CHD6: variants seen among roughly 807,000 people sequenced by gnomAD.
CHD6 encodes the protein ATP-dependent chromatin remodeler CHD6.
A neutral mutation model predicts 276.9 loss-of-function variants in CHD6; 50 were observed. That is an observed-to-expected ratio of 0.18 (90% CI 0.14 to 0.23). The LOEUF is 0.23. Ranked by LOEUF, CHD6 falls within the 10% of genes least tolerant of loss-of-function variation. The pLI, the probability that CHD6 is intolerant of heterozygous loss-of-function variation, is 1.00. For synonymous variants in CHD6, 1,173 were observed against 1,229.3 expected (o/e 0.95, Z 0.96); for missense variants, 2,564 against 3,365.8 (o/e 0.76, Z 5.89).
At chr20:41,560,437 C>T (rs2045289830) in intron 1 of CHD6, among the ~76,000 whole-genome samples, 1 of 152,194 alleles carries the variant, frequency 6.6e-6, no homozygotes, top group Admixed American at 6.5e-5. Flanking sequence ...GTGTCATGTT[C>T]TCCGGGATGT....
intron 2 of CHD6, among the ~76,000 whole-genome samples, chr20:41,546,419 T>C (rs994595762): frequency 6.6e-6 from 1 of 152,214 alleles, no homozygotes; most frequent in African/African-American, 2.4e-5. Flanking sequence ...ATTGCATTCA[T>C]TGCTTATTAA....
chr20:41,426,019 T>C, intron 28 of CHD6, 74 bp downstream of exon 28: 1 of 1,092,550 alleles, frequency 9.2e-7, no homozygotes, highest in Non-Finnish European at 1.4e-6. Flanking sequence ...TACTTATTAA[T>C]TACATATAAA....
At chr20:41,438,923 C>A (rs904940236) in intron 26 of CHD6, among the ~76,000 whole-genome samples, 3 of 152,234 alleles carry the variant, frequency 2.0e-5, no homozygotes, top group Admixed American at 6.5e-5. Flanking sequence ...GGAAAATGCA[C>A]TGCACACTTT....
chr20:41,424,788 G>T (rs2047308750), intron 29 of CHD6, among the ~76,000 whole-genome samples: 1 of 152,138 alleles, frequency 6.6e-6, no homozygotes, highest in African/African-American at 2.4e-5. Context: ...GCCCTGGAAG[G>T]CTTGATAAGG....
chr20:41,455,675 C>T (rs1038728070), intron 19 of CHD6, 125 bp downstream of exon 19: 2 of 661,092 alleles, frequency 3.0e-6, no homozygotes, highest in Non-Finnish European at 5.1e-6. Flanking sequence ...GTCACGCAGA[C>T]TAAATGTGCA....
chr20:41,601,018 A>G (rs1212177800), intron 1 of CHD6, among the ~76,000 whole-genome samples: 1 of 152,218 alleles, frequency 6.6e-6, no homozygotes, highest in Non-Finnish European at 1.5e-5. Flanking sequence ...CACACTGGCA[A>G]TAAAATCAGA....
intron 9 of CHD6, 69 bp from the exon 10 acceptor site, chr20:41,493,741 T>A: frequency 6.3e-7 from 1 of 1,583,728 alleles, no homozygotes; most frequent in Non-Finnish European, 8.6e-7. Flanking sequence ...TCTGCCAACC[T>A]CTGAAAAACC....
In CHD6 at chr20:41,434,487, C is replaced by T. The variant is rs539594058; in HGVS notation, c.4068+2787G>A. Among the ~76,000 whole-genome samples the T allele has an allele frequency of 2.5e-4, 38 of 152,284 alleles. No individual in the cohort carries two copies. In the South Asian group the frequency reaches 7.9e-3, roughly 32 times the overall value. ...CCGGGTTCAAGTGGTTCTCATGCCT[C>T]AGCCTCCTGAGTAGCTGGGATTACA... On this transcript the variant is annotated intron_variant, in intron 27 of 36. Coordinates refer to ENST00000373233, the MANE Select transcript of CHD6 (RefSeq NM_032221.5).
chr20:41,435,033 A>G (rs140155867), intron 27 of CHD6, among the ~76,000 whole-genome samples: 2 of 152,372 alleles, frequency 1.3e-5, no homozygotes, highest in South Asian at 2.1e-4. Flanking sequence ...TTCTCTGATT[A>G]TAACAGAATC....
chr20:41,607,780 A>C (rs1056232858), intron 1 of CHD6, among the ~76,000 whole-genome samples: 31 of 151,788 alleles, frequency 2.0e-4, no homozygotes, highest in Non-Finnish European at 3.1e-4. Context: ...AAAAAAAAAA[A>C]AACACCTCAT....
At chr20:41,498,934 C>A (rs916914070) in intron 6 of CHD6, among the ~76,000 whole-genome samples, 3 of 151,890 alleles carry the variant, frequency 2.0e-5, no homozygotes, top group African/African-American at 7.3e-5. Flanking sequence ...GTTGGCCTCT[C>A]AAAGTGATGG....
At chr20:41,584,627 C>G (rs771174138) in intron 1 of CHD6, among the ~76,000 whole-genome samples, 6 of 151,982 alleles carry the variant, frequency 3.9e-5, no homozygotes, top group Non-Finnish European at 5.9e-5. Context: ...TATTATCCAA[C>G]TACAAAAAAA....
intron 1 of CHD6, among the ~76,000 whole-genome samples, chr20:41,601,238 TCCCCTGAGATCA>T (rs753516229): frequency 2.0e-5 from 3 of 152,208 alleles, no homozygotes; most frequent in Non-Finnish European, 4.4e-5. Flanking sequence ...CATGTTTATT[TCCCCTGAGATCA>T]CATTTGCCAT....
chr20:41,594,063 T>G (rs1294638369), intron 1 of CHD6, among the ~76,000 whole-genome samples: 1 of 152,136 alleles, frequency 6.6e-6, no homozygotes, highest in Non-Finnish European at 1.5e-5. Context: ...GGATTTTTGA[T>G]GGCTTAATGG....
rs2145859069 is a variant in CHD6 at position 41,490,033 on chromosome 20, G to A, written c.1437-12C>T. 1 of 1,610,796 alleles carries A rather than the reference G, an allele frequency of 6.2e-7. No individual in the cohort carries two copies. The highest frequency in any genetic ancestry group is 2.2e-5 in the East Asian group (1 of 44,846). On this transcript the variant is annotated splice_polypyrimidine_tract_variant and intron_variant, in intron 11 of 36. Coordinates refer to ENST00000373233, the MANE Select transcript of CHD6 (RefSeq NM_032221.5). Reference sequence around the variant, plus strand: ...AAATACAGTTTTTTCTGCAGAGAGTGAGAAATATAGGTAATTCATTATCAA... The same window carrying A: ...AAATACAGTTTTTTCTGCAGAGAGTAAGAAATATAGGTAATTCATTATCAA...
chr20:41,604,076 C>T (rs1008470310), intron 1 of CHD6, among the ~76,000 whole-genome samples: 12 of 152,068 alleles, frequency 7.9e-5, no homozygotes, highest in Admixed American at 7.9e-4. Flanking sequence ...AGAATGTGAT[C>T]CTCATGTTCC....
At chr20:41,543,380 C>A (rs1159977189) in intron 2 of CHD6, among the ~76,000 whole-genome samples, 1 of 152,154 alleles carries the variant, frequency 6.6e-6, no homozygotes. Flanking sequence ...CTGGATACAA[C>A]AAACTTAGAA....
chr20:41,484,520 T>C lies in CHD6; in HGVS notation c.2089A>G (p.Thr697Ala), dbSNP rs2043366999. 1 of 1,613,808 alleles carries C rather than the reference T, an allele frequency of 6.2e-7. No individual in the cohort carries two copies. Among genetic ancestry groups the C allele is most frequent in the Non-Finnish European group, 8.5e-7 (1 of 1,179,882 alleles). ...VEKNLAPKQE[T>A]IIEVELTNIQ... ...TTGGTCAGTTCCACCTCAATGATCG[T>C]CTCTTGTTTGGGAGCAAGGTTCTTT... The change falls in exon 15 of 37, where the codon ACG (threonine) becomes GCG (alanine). Residue 697 changes from threonine (T) to alanine (A), a missense_variant. Physicochemically the swap from Thr to Ala is moderately conservative, Grantham distance 58. Transcript: ENST00000373233.
intron 1 of CHD6, 23 bp from the exon 2 acceptor site, chr20:41,551,383 C>A (rs375375014): frequency 5.3e-6 from 6 of 1,127,640 alleles, no homozygotes; most frequent in Non-Finnish European, 7.9e-6. Flanking sequence ...TTTAAAAAGG[C>A]AAAGATTATG....
Sources: gnomAD v4.1 joint callset for allele counts (sites outside exome capture counted in the v4.1 genomes callset) on GRCh38, gnomAD v4.1.1 for gene constraint, MANE v1.5 for transcripts, NCBI Gene and HGNC (gene_info 2026-07-23, HGNC 2026-07-21) for gene names.